CLN5: variants seen among roughly 807,000 people sequenced by gnomAD.
CLN5 encodes the protein bis(monoacylglycero)phosphate synthase CLN5.
CLN5 carries 34 observed loss-of-function variants against 36.7 expected under a neutral mutation model. The ratio of observed to expected loss-of-function variants is 0.93; its 90% CI spans 0.71 to 1.23. The LOEUF is 1.23. Among genes scored for constraint, CLN5 ranks in the 50% most tolerant of loss-of-function variants. CLN5 has a pLI of 0.00. For synonymous variants in CLN5, 151 were observed against 155.1 expected, an observed-to-expected ratio of 0.97 and a Z score of 0.20; for missense variants, 427 against 439.4, an observed-to-expected ratio of 0.97 and a Z score of 0.25.
chr13:76,993,704 A>C (rs1167301921), intron 1 of CLN5: 1 of 152,228 alleles, frequency 6.6e-6, no homozygotes, highest in Non-Finnish European at 1.5e-5. Context: ...GTATTTGTTT[A>C]AACCAGGTAA....
chr13:76,994,658 A>C (rs1268991585), intron 1 of CLN5: 1 of 169,638 alleles, frequency 5.9e-6, no homozygotes. Flanking sequence ...AAGTAAATAT[A>C]AAATGTATTC....
At chr13:76,994,601 A>G (rs1018931515) in intron 1 of CLN5, 5 of 173,568 alleles carry the variant, frequency 2.9e-5, no homozygotes, top group African/African-American at 1.2e-4. Context: ...TTCACTATAT[A>G]TGTAGTGGAG....
Position 77,000,707 on chromosome 13 carries a change from A to C in CLN5, c.815A>C (p.Glu272Ala). The C allele has an allele frequency of 6.2e-7, 1 of 1,614,006 alleles. No individual in the cohort carries two copies. The highest frequency in any genetic ancestry group is 1.3e-5 in the African/African-American group (1 of 75,058). The change falls in exon 4 of 4, where the codon GAA (glutamate) becomes GCA (alanine). Residue 272 changes from glutamate to alanine, a missense_variant. By Grantham distance (107) the Glu-to-Ala change is moderately radical. Coordinates refer to ENST00000377453, the MANE Select transcript of CLN5 (RefSeq NM_006493.4). ...YSGEPTYLGN[E>A]TSVFGPTGNK... ...GGAGAACCTACTTATCTGGGAAATG[A>C]AACATCTGTTTTTGGGCCAACAGGA...
chr13:77,000,955 C>T lies in CLN5; in HGVS notation c.1063C>T (p.Leu355Phe). Reference protein sequence around the residue: ...EIPLPIRNKTLSGL With the variant: ...EIPLPIRNKTFSGL ...CCCTTTACCTATCAGAAACAAAACACTCTCTGGTTTATAAAACACCTTAAT... is the reference window on the plus strand; with the variant it reads ...CCCTTTACCTATCAGAAACAAAACATTCTCTGGTTTATAAAACACCTTAAT... Residue 355 changes from leucine (L) to phenylalanine (F), a missense_variant, in exon 4 of 4, where the codon CTC becomes TTC. By Grantham distance (22) the Leu-to-Phe change is conservative. Transcript: ENST00000377453. 1.9e-6 allele frequency: 3 copies of T among 1,605,510 alleles called. No homozygotes were observed. Among genetic ancestry groups the T allele is most frequent in the Non-Finnish European group, 1.7e-6 (2 of 1,176,586 alleles).
At chr13:76,995,775 T>C in intron 2 of CLN5, 127 bp from the exon 3 acceptor site, 1 of 777,102 alleles carries the variant, frequency 1.3e-6, no homozygotes, top group Admixed American at 1.9e-5. Flanking sequence ...AGTAGCAGCA[T>C]GGAAGAACAG....
Position 77,000,725 on chromosome 13 carries a change from C to G in CLN5, c.833C>G (p.Pro278Arg). 6.2e-7 allele frequency: 1 copy of G among 1,614,006 alleles called. No individual in the cohort carries two copies. Among genetic ancestry groups the G allele is most frequent in the Non-Finnish European group, 8.5e-7 (1 of 1,179,972 alleles). ...GGAAATGAAACATCTGTTTTTGGGC[C>G]AACAGGAAACAAGACTCTTGGTTTA... ...YLGNETSVFG[P>R]TGNKTLGLAI... The change falls in exon 4 of 4, where the codon CCA becomes CGA. Residue 278 changes from proline to arginine, a missense_variant. Physicochemically the swap from Pro to Arg is moderately radical, Grantham distance 103. Coordinates refer to ENST00000377453, the MANE Select transcript of CLN5 (RefSeq NM_006493.4).
At chr13:76,996,416 T>C in intron 3 of CLN5, 1 of 382,216 alleles carries the variant, frequency 2.6e-6, no homozygotes, top group South Asian at 2.4e-5. Flanking sequence ...CAGTGTACAC[T>C]GTACCCAATG....
intron 3 of CLN5, chr13:76,999,402 C>T (rs1243224153): frequency 6.6e-6 from 1 of 152,148 alleles, no homozygotes; most frequent in Non-Finnish European, 1.5e-5. Context: ...TGGTCTAGTA[C>T]AAGATGGTAG....
At chr13:76,999,101 G>A (rs1309147428) in intron 3 of CLN5, 1 of 152,124 alleles carries the variant, frequency 6.6e-6, no homozygotes, top group Non-Finnish European at 1.5e-5. Flanking sequence ...GGATAGTGGT[G>A]GCATTTGAAA....
At chr13:76,993,608 A>G (rs1284742991) in intron 1 of CLN5, 3 of 152,154 alleles carry the variant, frequency 2.0e-5, no homozygotes, top group African/African-American at 7.2e-5. Context: ...AATTGAATAT[A>G]ATATTTAAGT....
chr13:77,000,671 T>A lies in CLN5; in HGVS notation c.779T>A (p.Phe260Tyr). 2 of 1,614,138 alleles carry A rather than the reference T, an allele frequency of 1.2e-6. No individual in the cohort carries two copies. Among genetic ancestry groups the A allele is most frequent in the Non-Finnish European group, 1.7e-6 (2 of 1,179,994 alleles). Residue 260 changes from phenylalanine (F) to tyrosine (Y), a missense_variant, in exon 4 of 4, where the codon TTT becomes TAT. Coordinates refer to ENST00000377453, the MANE Select transcript of CLN5 (RefSeq NM_006493.4). ...ATAGAAACCAACTATACAAGAATAT[T>A]TCTTTACAGTGGAGAACCTACTTAT... Reference protein sequence around the residue: ...KNIETNYTRIFLYSGEPTYLG... With the variant: ...KNIETNYTRIYLYSGEPTYLG...
chr13:76,997,902 TAGTG>T (rs936562754), intron 3 of CLN5: 10 of 152,242 alleles, frequency 6.6e-5, no homozygotes, highest in Admixed American at 5.2e-4. Context: ...AAAAAAATTT[TAGTG>T]ATGATATTTT....
Position 77,000,588 on chromosome 13 carries a change from C to G in CLN5, c.696C>G (p.Ser232=). Residue 232 remains serine, a synonymous_variant, in exon 4 of 4, where the codon TCC becomes TCG. Transcript: ENST00000377453. ...CATGGTTTGATTCCTACGACTGTTC[C>G]AAATTTGTGTTAAGGACCTTTAACA... The part of the protein sequence containing the change: ...AETWFDSYDC[S]KFVLRTFNKL... 1 of 1,614,058 alleles carries G rather than the reference C, an allele frequency of 6.2e-7. No individual in the cohort carries two copies. Among genetic ancestry groups the G allele is most frequent in the Non-Finnish European group, 8.5e-7 (1 of 1,180,000 alleles).
At chr13:76,994,012 T>G (rs2154034535) in intron 1 of CLN5, 1 of 152,404 alleles carries the variant, frequency 6.6e-6, no homozygotes, top group Non-Finnish European at 1.5e-5. Context: ...TCTTCTTTTC[T>G]TGCCTGCATT....
intron 1 of CLN5, chr13:76,994,741 CATTT>C (rs1473499363): frequency 4.1e-5 from 10 of 243,824 alleles, no homozygotes; most frequent in African/African-American, 1.8e-4. Context: ...GAAAAATGTT[CATTT>C]ATTCTGTAAA....
Position 77,002,071 on chromosome 13 carries a change from T to C in CLN5, c.*1102T>C, listed in dbSNP as rs1182633411. ...GTTTCTATTCAAGGAGAAAACACCATTCAGTAAGAAGATGGAGTAGATATC... is the reference window on the plus strand; with the variant it reads ...GTTTCTATTCAAGGAGAAAACACCACTCAGTAAGAAGATGGAGTAGATATC... On this transcript the variant is annotated 3_prime_UTR_variant, in exon 4 of 4. Coordinates refer to ENST00000377453, the MANE Select transcript of CLN5 (RefSeq NM_006493.4). 1 of 152,246 alleles carries C rather than the reference T, an allele frequency of 6.6e-6. No individual in the cohort carries two copies. Among genetic ancestry groups the C allele is most frequent in the Non-Finnish European group, 1.5e-5 (1 of 68,032 alleles). 9.4% of individuals were successfully genotyped at this position (152,246 alleles called of 1,614,324 possible).
chr13:77,002,533 G>C lies in CLN5; in HGVS notation c.*1564G>C, dbSNP rs868571492. On this transcript the variant is annotated 3_prime_UTR_variant, in exon 4 of 4. Coordinates refer to ENST00000377453, the MANE Select transcript of CLN5 (RefSeq NM_006493.4). ...GGAGCTTGTATTTTATGTGTCTTTG[G>C]TCTTATTTTGTCTAGGAATTCATTT... The C allele has an allele frequency of 6.6e-6, 1 of 150,522 alleles. No homozygotes were observed. The highest frequency in any genetic ancestry group is 1.5e-5 in the Non-Finnish European group (1 of 67,680). The allele number at this position is 150,522 out of a possible 1,614,324, so 9.3% of individuals were successfully genotyped here.
intron 3 of CLN5, chr13:77,000,102 A>G (rs2034332245): frequency 1.3e-5 from 2 of 153,258 alleles, no homozygotes; most frequent in African/African-American, 2.4e-5. Context: ...GCTCAAACCT[A>G]TAATCCCAGT....
At position 77,005,107 on chromosome 13, in the gene CLN5, T is replaced by C. The variant is rs1178650329; in HGVS notation, c.*4138T>C. ...TAGGCATCAGAGCTTATTTCAAGAA[T>C]AGATTCCATGAGCCTAACCTTGTAT... On this transcript the variant is annotated 3_prime_UTR_variant, in exon 4 of 4. Transcript: ENST00000377453. 1.3e-5 allele frequency: 2 copies of C among 152,192 alleles called. No homozygotes were observed. The highest frequency in any genetic ancestry group is 6.5e-5 in the Admixed American group (1 of 15,280). The allele number at this position is 152,192 out of a possible 1,614,324, so 9.4% of individuals were successfully genotyped here. A position where few individuals can be genotyped will look rare whatever the true frequency, so the allele number is the denominator to read the frequency against.
Sources: allele counts gnomAD v4.1 joint callset, GRCh38; gene constraint gnomAD v4.1.1; transcripts MANE v1.5; gene names NCBI Gene and HGNC (gene_info 2026-07-23, HGNC 2026-07-21).